Variants in RFX2 observed in about 807,000 individuals in gnomAD.
The protein encoded by RFX2 is DNA-binding protein RFX2.
In RFX2, 20 loss-of-function variants were observed where a neutral mutation model predicts 87.8. That is an observed-to-expected ratio of 0.23 (90% CI 0.16 to 0.33). The LOEUF is 0.33. RFX2 is among the 10% of genes least tolerant of loss of function. RFX2 has a pLI of 1.00. For missense variants in RFX2, 767 were observed against 1,012.3 expected (o/e 0.76, Z 3.29); for synonymous variants, 397 against 431.3 (o/e 0.92, Z 0.98).
chr19:6,059,378 T>G (rs2087395501), intron 1 of RFX2, among the ~76,000 whole-genome samples: 1 of 152,150 alleles, frequency 6.6e-6, no homozygotes. Flanking sequence ...TATACCAAAT[T>G]CAGGGTGAAT....
chr19:6,009,339 C>T (rs946600391), intron 9 of RFX2, among the ~76,000 whole-genome samples: 21 of 152,160 alleles, frequency 1.4e-4, no homozygotes, highest in African/African-American at 4.8e-4. Flanking sequence ...CCGCCCCCCA[C>T]CCCCCTGCCC....
chr19:6,014,310 T>C (rs892712388), intron 7 of RFX2, among the ~76,000 whole-genome samples: 4 of 152,152 alleles, frequency 2.6e-5, no homozygotes, highest in African/African-American at 9.7e-5. Flanking sequence ...CTCGGCTCAC[T>C]GCAACCTCCC....
intron 5 of RFX2, among the ~76,000 whole-genome samples, chr19:6,037,655 G>A (rs2087043027): frequency 2.0e-5 from 3 of 152,152 alleles, no homozygotes; most frequent in South Asian, 2.1e-4. Context: ...TGTAGATATA[G>A]ATAAATTGAT....
intron 1 of RFX2, among the ~76,000 whole-genome samples, chr19:6,094,120 G>T (rs1346532914): frequency 6.6e-6 from 1 of 152,116 alleles, no homozygotes; most frequent in African/African-American, 2.4e-5. Context: ...AAACACTAAA[G>T]AATTCGTATG....
intron 6 of RFX2, chr19:6,019,894 G>A (rs913231302): frequency 6.6e-6 from 1 of 152,298 alleles, no homozygotes; most frequent in Non-Finnish European, 1.5e-5. Flanking sequence ...GCATCTGCAG[G>A]ATCCTGGAGA....
At chr19:6,084,523 C>A (rs1012885135) in intron 1 of RFX2, among the ~76,000 whole-genome samples, 15 of 152,148 alleles carry the variant, frequency 9.9e-5, no homozygotes, top group Non-Finnish European at 4.4e-5. Context: ...TCACTCCCTA[C>A]CCCCTCCCCA....
chr19:6,105,705 C>T lies in RFX2; in HGVS notation c.-9+4688G>A, dbSNP rs544157039. Among the ~76,000 whole-genome samples, 35 of 152,030 alleles carry T rather than the reference C, an allele frequency of 2.3e-4. 1 individual carries two copies. The South Asian group carries it at 3.1e-3, about 14-fold the overall frequency. The stretch of plus-strand genomic sequence containing the variant: ...CCAGAGGGGCTGGCAGTGGAGGTGG[C>T]GAGGCATGGTCAGGTTCTGGGGAAC... On this transcript the variant is annotated intron_variant, in intron 1 of 17. Coordinates refer to ENST00000303657, the MANE Select transcript of RFX2 (RefSeq NM_000635.4).
At chr19:6,014,738 G>T (rs926689000) in intron 7 of RFX2, among the ~76,000 whole-genome samples, 3 of 152,120 alleles carry the variant, frequency 2.0e-5, no homozygotes, top group Non-Finnish European at 4.4e-5. Context: ...GCTTCCCTGT[G>T]GCTTCCTCCC....
intron 6 of RFX2, among the ~76,000 whole-genome samples, chr19:6,025,535 T>C (rs1257302112): frequency 6.6e-6 from 1 of 152,244 alleles, no homozygotes; most frequent in African/African-American, 2.4e-5. Context: ...ATTTTTCATA[T>C]ATAACTATAC....
chr19:6,091,170 A>T (rs1213234578), intron 1 of RFX2, among the ~76,000 whole-genome samples: 6 of 152,202 alleles, frequency 3.9e-5, no homozygotes, highest in Non-Finnish European at 8.8e-5. Flanking sequence ...AAATCCACCA[A>T]ATGAAAACCA....
chr19:6,064,808 C>T lies in RFX2; in HGVS notation c.-8-17304G>A, dbSNP rs1263318198. On this transcript the variant is annotated intron_variant, in intron 1 of 17. Coordinates refer to ENST00000303657, the MANE Select transcript of RFX2 (RefSeq NM_000635.4). The surrounding 1 kb of genome is among the most constrained non-coding windows in gnomAD (Gnocchi z 4.8). Reference sequence around the variant, plus strand: ...CACATAGGGGACCTTTTCAATCTACCTCCTACCTCCCCTCCAGTCGTGATT... The same window carrying T: ...CACATAGGGGACCTTTTCAATCTACTTCCTACCTCCCCTCCAGTCGTGATT... 6.6e-6 allele frequency among the ~76,000 whole-genome samples: 1 copy of T among 152,194 alleles called. No individual in the cohort carries two copies. Among genetic ancestry groups the T allele is most frequent in the African/African-American group, 2.4e-5 (1 of 41,442 alleles).
At position 5,997,258 on chromosome 19, in the gene RFX2, G is replaced by T; in HGVS notation, c.1860-45C>A. Reference sequence around the variant, plus strand: ...GGCTGGGGACCCTCAGGGGAGCATGGAACCCGGGCCCCAGGCCAGACTTCA... The same window carrying T: ...GGCTGGGGACCCTCAGGGGAGCATGTAACCCGGGCCCCAGGCCAGACTTCA... On this transcript the variant is annotated intron_variant, in intron 15 of 17. Transcript: ENST00000303657. The surrounding 1 kb of genome is among the most constrained non-coding windows in gnomAD (Gnocchi z 4.2). 2 of 1,568,098 alleles carry T rather than the reference G, an allele frequency of 1.3e-6. No individual in the cohort carries two copies. Among genetic ancestry groups the T allele is most frequent in the Non-Finnish European group, 1.7e-6 (2 of 1,160,920 alleles).
chr19:6,040,367 T>C lies in RFX2; in HGVS notation c.261-126A>G. On this transcript the variant is annotated intron_variant, in intron 4 of 17. Coordinates refer to ENST00000303657, the MANE Select transcript of RFX2 (RefSeq NM_000635.4). This position sits in a 1 kb window ranked among gnomAD's most constrained non-coding sequence, Gnocchi z 6.1. ...CAGAGAGGCCAGACATATGGAGCAA[T>C]TCGGACGTGGCATATGACACTCAAA... 1.0e-6 allele frequency: 1 copy of C among 985,604 alleles called. No individual in the cohort carries two copies. Among genetic ancestry groups the C allele is most frequent in the Non-Finnish European group, 1.4e-6 (1 of 695,782 alleles). 61.1% of individuals were successfully genotyped at this position (985,604 alleles called of 1,614,324 possible).
At chr19:6,095,317 T>C (rs2088005740) in intron 1 of RFX2, among the ~76,000 whole-genome samples, 1 of 152,186 alleles carries the variant, frequency 6.6e-6, no homozygotes. Flanking sequence ...GATTTTTAGA[T>C]GTAGATGTGA....
rs777860393 is a variant in RFX2 at position 6,044,262 on chromosome 19, G to A, written c.111C>T (p.Ala37=). ...ASPQRVLVQA[A]SSNPKGAQMQ... Reference sequence around the variant, plus strand: ...TCTGGGCCCCTTTGGGATTGGAGCTGGCTGCCTGGACCAACACCCTCTAAA... The same window carrying A: ...TCTGGGCCCCTTTGGGATTGGAGCTAGCTGCCTGGACCAACACCCTCTAAA... The change falls in exon 3 of 18, where the codon GCC becomes GCT. Residue 37 remains alanine (A), a synonymous_variant. Coordinates refer to ENST00000303657, the MANE Select transcript of RFX2 (RefSeq NM_000635.4). This position sits in a 1 kb window ranked among gnomAD's most constrained non-coding sequence, Gnocchi z 5.3. 2 of 1,569,426 alleles carry A rather than the reference G, an allele frequency of 1.3e-6. No homozygotes were observed. The highest frequency in any genetic ancestry group is 1.9e-5 in the Admixed American group (1 of 53,204).
chr19:6,094,866 T>G (rs2087998415), intron 1 of RFX2, among the ~76,000 whole-genome samples: 1 of 152,218 alleles, frequency 6.6e-6, no homozygotes, highest in Non-Finnish European at 1.5e-5. Context: ...CAGTGGCTCA[T>G]GCCTGTAATC....
intron 1 of RFX2, among the ~76,000 whole-genome samples, chr19:6,094,932 T>A (rs567887632): frequency 7.9e-5 from 12 of 152,094 alleles, no homozygotes; most frequent in East Asian, 1.9e-4. Flanking sequence ...ATTGAGACCA[T>A]CCTGGCTAAC....
intron 17 of RFX2, among the ~76,000 whole-genome samples, chr19:5,995,194 G>A (rs768190284): frequency 6.6e-6 from 1 of 152,174 alleles, no homozygotes; most frequent in Non-Finnish European, 1.5e-5. Context: ...CTTTCCCAGC[G>A]CCGACGGGCC....
At chr19:6,008,077 G>A (rs1393818663) in intron 10 of RFX2, 29 bp downstream of exon 10, 2 of 1,498,886 alleles carry the variant, frequency 1.3e-6, no homozygotes, top group Non-Finnish European at 1.8e-6. Flanking sequence ...GGACACGCAG[G>A]AGCTGCCTGC....
Sources: allele counts gnomAD v4.1 joint callset (sites outside exome capture counted in the v4.1 genomes callset), GRCh38; gene constraint gnomAD v4.1.1; non-coding constraint Gnocchi (gnomAD v3.1); transcripts MANE v1.5; gene names NCBI Gene and HGNC (gene_info 2026-07-23, HGNC 2026-07-21).